Variants in STXBP5L observed in about 807,000 individuals in gnomAD.
The protein encoded by STXBP5L is syntaxin binding protein 5L, also known as syntaxin-binding protein 5-like.
STXBP5L carries 65 observed loss-of-function variants against 144.5 expected under a neutral mutation model. The observed-to-expected ratio is 0.45, with a 90% CI of 0.37 to 0.55. The LOEUF is 0.55. STXBP5L is among the 20% of genes least tolerant of loss of function. The pLI is 0.00. For missense variants in STXBP5L, 1,298 were observed against 1,405.5 expected (o/e 0.92, Z 1.22); for synonymous variants, 505 against 469.6 (o/e 1.08, Z -0.97).
chr3:121,053,227 A>C (rs1234037168), intron 5 of STXBP5L, among the ~76,000 whole-genome samples: 1 of 152,182 alleles, frequency 6.6e-6, no homozygotes, highest in African/African-American at 2.4e-5. Context: ...TTCTTCACAG[A>C]ATTGGAAAAA....
At chr3:121,103,600 C>G (rs948956763) in intron 5 of STXBP5L, among the ~76,000 whole-genome samples, 19 of 152,062 alleles carry the variant, frequency 1.2e-4, no homozygotes, top group Non-Finnish European at 1.5e-5. Flanking sequence ...TCAATATACC[C>G]ATGCAGCACA....
intron 5 of STXBP5L, among the ~76,000 whole-genome samples, chr3:121,068,443 T>C (rs2041651533): frequency 6.6e-6 from 1 of 152,182 alleles, no homozygotes; most frequent in Non-Finnish European, 1.5e-5. Flanking sequence ...AACTTTTTAT[T>C]ATCCTATTTT....
At chr3:121,350,632 A>C (rs551114632) in intron 20 of STXBP5L, among the ~76,000 whole-genome samples, 7 of 152,208 alleles carry the variant, frequency 4.6e-5, no homozygotes, top group African/African-American at 1.2e-4. Context: ...ACATAGTCCC[A>C]TATTTCTTGG....
rs556719857 is a variant in STXBP5L at position 121,034,934 on chromosome 3, A to G, written c.288-6766A>G. On this transcript the variant is annotated intron_variant, in intron 3 of 26. Transcript: ENST00000471454. ...TCATTCTGACATAAGATGATATCTC[A>G]TTGTGGTTTTAATTTGTATTTCTCT... 1.5e-3 allele frequency among the ~76,000 whole-genome samples: 223 copies of G among 152,146 alleles called. 1 individual carries two copies. Among genetic ancestry groups the G allele is most frequent in the African/African-American group, 5.2e-3 (215 of 41,518 alleles).
intron 20 of STXBP5L, among the ~76,000 whole-genome samples, chr3:121,354,878 G>T (rs1045042825): frequency 2.0e-5 from 3 of 152,234 alleles, no homozygotes; most frequent in Admixed American, 2.0e-4. Context: ...CTCTTGTAAG[G>T]CAGGCTTGGT....
chr3:121,366,074 T>A (rs1344303904), intron 20 of STXBP5L, among the ~76,000 whole-genome samples: 1 of 152,014 alleles, frequency 6.6e-6, no homozygotes, highest in Non-Finnish European at 1.5e-5. Flanking sequence ...ATTTCTCAAT[T>A]GTACTTCTGT....
intron 11 of STXBP5L, among the ~76,000 whole-genome samples, chr3:121,233,037 G>A (rs550935036): frequency 6.6e-6 from 1 of 152,166 alleles, no homozygotes; most frequent in Admixed American, 6.6e-5. Flanking sequence ...TTCAGGTTAC[G>A]TGGCCTTCAA....
At chr3:121,388,387 A>C (rs2046483901) in intron 22 of STXBP5L, among the ~76,000 whole-genome samples, 1 of 152,116 alleles carries the variant, frequency 6.6e-6, no homozygotes, top group East Asian at 1.9e-4. Context: ...AATACCCCCT[A>C]TTTCTTTCTC....
At chr3:121,338,773 G>A (rs1469707265) in intron 20 of STXBP5L, among the ~76,000 whole-genome samples, 1 of 151,950 alleles carries the variant, frequency 6.6e-6, no homozygotes, top group Non-Finnish European at 1.5e-5. Flanking sequence ...GAACACCTCT[G>A]TGCACATAAA....
chr3:121,336,308 G>A (rs1319302282), intron 20 of STXBP5L, among the ~76,000 whole-genome samples: 4 of 152,042 alleles, frequency 2.6e-5, no homozygotes, highest in African/African-American at 9.7e-5. Flanking sequence ...ACCAGCCTAG[G>A]AAACATGACA....
chr3:121,016,898 GA>G (rs1255926019), intron 3 of STXBP5L, among the ~76,000 whole-genome samples: 1 of 152,124 alleles, frequency 6.6e-6, no homozygotes, highest in African/African-American at 2.4e-5. Context: ...ATCTCTTCTA[GA>G]AAATAGAAGC....
intron 11 of STXBP5L, among the ~76,000 whole-genome samples, chr3:121,227,142 C>T (rs1255368171): frequency 6.6e-6 from 1 of 152,096 alleles, no homozygotes; most frequent in Non-Finnish European, 1.5e-5. Context: ...GCAAATGCTT[C>T]CACCTTTGTT....
intron 10 of STXBP5L, 40 bp downstream of exon 10, chr3:121,206,041 G>C (rs747433781): frequency 7.8e-7 from 1 of 1,276,298 alleles, no homozygotes; most frequent in Non-Finnish European, 1.1e-6. Context: ...ATACGAAGCA[G>C]AGACAAAAAA....
chr3:120,953,234 A>G (rs2107696448), intron 2 of STXBP5L, among the ~76,000 whole-genome samples: 1 of 152,198 alleles, frequency 6.6e-6, no homozygotes, highest in Non-Finnish European at 1.5e-5. Context: ...TGGAGTGGGG[A>G]AAACTACTCA....
chr3:120,974,239 T>G (rs1031907655), intron 3 of STXBP5L, among the ~76,000 whole-genome samples: 10 of 152,158 alleles, frequency 6.6e-5, no homozygotes, highest in African/African-American at 2.2e-4. Flanking sequence ...CCATTCTAAC[T>G]GGTGTGAGAT....
intron 19 of STXBP5L, among the ~76,000 whole-genome samples, chr3:121,290,760 G>A (rs1250214075): frequency 2.0e-5 from 3 of 152,092 alleles, no homozygotes; most frequent in Non-Finnish European, 4.4e-5. Context: ...ACATACACAA[G>A]TCAATAAATG....
intron 5 of STXBP5L, among the ~76,000 whole-genome samples, chr3:121,078,083 C>T (rs1238801614): frequency 6.6e-6 from 1 of 150,656 alleles, no homozygotes; most frequent in Non-Finnish European, 1.5e-5. Flanking sequence ...GGTGTATTTA[C>T]AATCCCTTAG....
At chr3:121,370,118 C>A (rs1371802654) in intron 20 of STXBP5L, among the ~76,000 whole-genome samples, 1 of 152,164 alleles carries the variant, frequency 6.6e-6, no homozygotes, top group African/African-American at 2.4e-5. Flanking sequence ...GTAAATCCAG[C>A]ACTTTGGGAG....
intron 24 of STXBP5L, among the ~76,000 whole-genome samples, chr3:121,415,554 A>G (rs1382091454): frequency 6.6e-6 from 1 of 152,148 alleles, no homozygotes; most frequent in East Asian, 1.9e-4. Context: ...TCAGAAGTCT[A>G]GTGGTAATTA....
Sources: allele counts gnomAD v4.1 joint callset (sites outside exome capture counted in the v4.1 genomes callset), GRCh38; gene constraint gnomAD v4.1.1; transcripts MANE v1.5; gene names NCBI Gene and HGNC (gene_info 2026-07-23, HGNC 2026-07-21).